The following SIRT3 variants were observed in gnomAD, a reference collection of about 807,000 sequenced individuals.
SIRT3 encodes the protein NAD-dependent protein deacetylase sirtuin-3, mitochondrial.
In SIRT3, 26 loss-of-function variants were observed where a neutral mutation model predicts 33.5. The ratio of observed to expected loss-of-function variants is 0.78; its 90% confidence interval spans 0.57 to 1.08. The LOEUF (loss-of-function observed/expected upper bound fraction) is 1.08. SIRT3 is among the 50% of genes least tolerant of loss of function. The pLI, the probability that SIRT3 is intolerant of heterozygous loss-of-function variation, is 0.00. For missense variants in SIRT3, 585 were observed against 530.1 expected (o/e 1.10, Z -1.02); for synonymous variants, 237 against 222.1 (o/e 1.07, Z -0.60).
At chr11:222,778 A>G (rs527410541) in intron 5 of SIRT3, 1 of 152,550 alleles carries the variant, frequency 6.6e-6, no homozygotes, top group Admixed American at 6.5e-5. Context: ...GTGGCCATCA[A>G]TGCTGACTTC....
In SIRT3 at chr11:234,948, G is replaced by A. The variant is rs1054224050; in HGVS notation, c.281+1100C>T. Reference sequence around the variant, plus strand: ...GCTGGAGTGCAATGGTGCCATCTCGGCTCACTGCAACCTCTGCCTTCCGGG... The same window carrying A: ...GCTGGAGTGCAATGGTGCCATCTCGACTCACTGCAACCTCTGCCTTCCGGG... On this transcript the variant is annotated intron_variant, in intron 1 of 6. Transcript: ENST00000382743. Among the ~76,000 whole-genome samples the A allele has an allele frequency of 2.0e-5, 3 of 151,662 alleles. No homozygotes were observed. The East Asian group carries it at 5.8e-4, about 30-fold the overall frequency.
At chr11:236,359 T>TCGCCCCGCCCC, upstream of SIRT3, 1 of 1,166,208 alleles carries the variant, frequency 8.6e-7, no homozygotes, top group Non-Finnish European at 1.0e-6. Flanking sequence ...TCCTCCGGAC[T>TCGCCCCGCCCC]CGCCCCGCCC....
Position 215,501 on chromosome 11 carries a change from T to C in SIRT3, c.*1197A>G, listed in dbSNP as rs1349983538. ...GGTCACCAATTCCACCTTTTGTTCT[T>C]ATTAAGGCGCAAAGTCACAGGACCC... On this transcript the variant is annotated 3_prime_UTR_variant, in exon 7 of 7. Transcript: ENST00000382743. The C allele has an allele frequency of 6.6e-6, 1 of 152,196 alleles. No homozygotes were observed. Among genetic ancestry groups the C allele is most frequent in the South Asian group, 2.1e-4 (1 of 4,832 alleles). 9.4% of individuals were successfully genotyped at this position (152,196 alleles called of 1,614,324 possible). A position where few individuals can be genotyped will look rare whatever the true frequency, so the allele number is the denominator to read the frequency against.
At chr11:218,671 G>T (rs1855983003) in intron 6 of SIRT3, 161 bp downstream of exon 6, 3 of 1,322,300 alleles carry the variant, frequency 2.3e-6, no homozygotes, top group African/African-American at 1.5e-5. Flanking sequence ...GGTATTGAAA[G>T]TAACACCCAG....
At chr11:232,917 T>C (rs1262974058) in intron 3 of SIRT3, 66 bp downstream of exon 3, 4 of 1,506,700 alleles carry the variant, frequency 2.7e-6, no homozygotes, top group South Asian at 1.2e-5. Context: ...CGAGCCTCCC[T>C]GGGAGAAACA....
intron 1 of SIRT3, among the ~76,000 whole-genome samples, chr11:234,344 T>G (rs1328030370): frequency 2.6e-5 from 4 of 152,218 alleles, no homozygotes; most frequent in African/African-American, 9.6e-5. Flanking sequence ...GCCCATGCAA[T>G]GGACTACTCC....
intron 6 of SIRT3, among the ~76,000 whole-genome samples, 196 bp from the exon 7 acceptor site, chr11:216,914 A>G (rs993691794): frequency 2.6e-5 from 4 of 152,244 alleles, no homozygotes; most frequent in African/African-American, 7.2e-5. Context: ...GGCTAAATGG[A>G]GAGCCTCATT....
rs542703374 is a variant in SIRT3, at chr11:230,628, G to C, written c.707-76C>G. On this transcript the variant is annotated intron_variant, in intron 3 of 6. Coordinates refer to ENST00000382743, the MANE Select transcript of SIRT3 (RefSeq NM_012239.6). ...GCAAGGCCAAGAGCACAACTTCTGGGCTTGGCAGGACTCCTGGAAGGAGGC... is the reference window on the plus strand; with the variant it reads ...GCAAGGCCAAGAGCACAACTTCTGGCCTTGGCAGGACTCCTGGAAGGAGGC... 244 of 1,048,988 alleles carry C rather than the reference G, an allele frequency of 2.3e-4. 4 individuals carry two copies. The South Asian group carries it at 4.8e-3, about 21-fold the overall frequency. The allele number at this position is 1,048,988 out of a possible 1,614,324, so 65.0% of individuals were successfully genotyped here.
chr11:218,984 T>C lies in SIRT3; in HGVS notation c.1027A>G (p.Ile343Val), dbSNP rs749567306. ...AVRSSVPRLLINRDLVGPLAW... is the reference protein window; with the variant it reads ...AVRSSVPRLLVNRDLVGPLAW... ...AAGGGCCCCACCAAGTCCCGGTTGA[T>C]GAGCAGTCGGGGAACTGAGCTCCGC... The change falls in exon 6 of 7, where the codon ATC becomes GTC. Residue 343 changes from isoleucine to valine, a missense_variant. Physicochemically the swap from Ile to Val is conservative, Grantham distance 29 (BLOSUM62 3). Coordinates refer to ENST00000382743, the MANE Select transcript of SIRT3 (RefSeq NM_012239.6). 6.2e-7 allele frequency: 1 copy of C among 1,614,124 alleles called. No homozygotes were observed. Among genetic ancestry groups the C allele is most frequent in the South Asian group, 1.1e-5 (1 of 91,070 alleles).
intron 4 of SIRT3, 67 bp downstream of exon 4, chr11:230,385 A>G (rs1857771242): frequency 4.4e-6 from 4 of 909,428 alleles, no homozygotes; most frequent in Non-Finnish European, 3.1e-6. Context: ...ATGCTTATAA[A>G]ATACCACTTT....
At chr11:226,136 G>A (rs1197701347) in intron 4 of SIRT3, 1 of 152,256 alleles carries the variant, frequency 6.6e-6, no homozygotes, top group Non-Finnish European at 1.5e-5. Context: ...AGGGAAGGGT[G>A]AAGGAACCAT....
intron 4 of SIRT3, among the ~76,000 whole-genome samples, chr11:225,398 C>A (rs536103750): frequency 6.6e-6 from 1 of 151,852 alleles, no homozygotes; most frequent in African/African-American, 2.4e-5. Context: ...GGCAACAAAG[C>A]GAGACTCTGT....
Position 233,118 on chromosome 11 carries a change from G to T in SIRT3, c.571C>A (p.Pro191Thr), listed in dbSNP as rs201276555. 1.2e-6 allele frequency: 2 copies of T among 1,614,034 alleles called. No individual in the cohort carries two copies. The highest frequency in any genetic ancestry group is 1.7e-6 in the Non-Finnish European group (2 of 1,180,040). Residue 191 changes from proline (P) to threonine (T), a missense_variant, in exon 3 of 7, where the codon CCC (proline) becomes ACC (threonine). By Grantham distance (38) the Pro-to-Thr change is conservative. Coordinates refer to ENST00000382743, the MANE Select transcript of SIRT3 (RefSeq NM_012239.6). ...ELPFFFHNPKPFFTLAKELYP... is the reference protein window; with the variant it reads ...ELPFFFHNPKTFFTLAKELYP... The stretch of plus-strand genomic sequence containing the variant: ...AGCTCCTTGGCCAAAGTGAAAAAGG[G>T]CTTGGGGTTGTGAAAGAAGAATGGG...
At position 233,362 on chromosome 11, in the gene SIRT3, TG is replaced by T; in HGVS notation, c.453del (p.Ser152ValfsTer121). On this transcript the variant is annotated frameshift_variant, in exon 2 of 7. Coordinates refer to ENST00000382743, the MANE Select transcript of SIRT3 (RefSeq NM_012239.6). LOFTEE classifies it high-confidence loss of function. The stretch of plus-strand genomic sequence containing the variant: ...CAGTACCTGAAGTCTGGAATGCCAC[TG>T]GGTGTGCTGATGCCGGCCCCCACCA... ...VVMVGAGIST[P>X]SGIPDFRSPG... 2.5e-6 allele frequency: 4 copies of T among 1,613,796 alleles called. No homozygotes were observed. Among genetic ancestry groups the T allele is most frequent in the Non-Finnish European group, 3.4e-6 (4 of 1,179,868 alleles).
In SIRT3 at chr11:233,483, A is replaced by G. The variant is rs1167265175; in HGVS notation, c.333T>C (p.Val111=). ...TGTCACTGCTGCCTCCACTTCCAAC[A>G]ACACTTGAAGCACCCACAGAAAAAG... is the stretch of plus-strand genomic sequence containing the variant. ...SISFSVGASS[V]VGSGGSSDKG... is the part of the protein sequence containing the mutation. Residue 111 remains valine (V), a synonymous_variant, in exon 2 of 7, where the codon GTT becomes GTC. Transcript: ENST00000382743. The G allele has an allele frequency of 5.6e-6, 9 of 1,614,032 alleles. 1 individual carries two copies. In the South Asian group the frequency reaches 9.9e-5, roughly 18 times the overall value.
chr11:226,880 A>G (rs185581581), intron 4 of SIRT3, among the ~76,000 whole-genome samples: 1 of 150,594 alleles, frequency 6.6e-6, no homozygotes, highest in Non-Finnish European at 1.5e-5. Flanking sequence ...CAGCCTCCCG[A>G]GTATCTGAGA....
At chr11:234,181 G>A (rs1858535059) in intron 1 of SIRT3, among the ~76,000 whole-genome samples, 1 of 152,236 alleles carries the variant, frequency 6.6e-6, no homozygotes, top group South Asian at 2.1e-4. Flanking sequence ...TACGTAAGAT[G>A]TATGGCTTAA....
chr11:230,733 G>T, intron 3 of SIRT3, 181 bp from the exon 4 acceptor site: 1 of 401,292 alleles, frequency 2.5e-6, no homozygotes, highest in Non-Finnish European at 4.4e-6. Context: ...CCAGAATAAG[G>T]CAGGGGAGCA....
rs1856713944 is a variant in SIRT3, at chr11:223,525, G to A, written c.969+553C>T. 8.3e-6 allele frequency: 3 copies of A among 359,528 alleles called. No homozygotes were observed. Among genetic ancestry groups the A allele is most frequent in the South Asian group, 6.7e-5 (3 of 44,738 alleles). 22.3% of individuals were successfully genotyped at this position (359,528 alleles called of 1,614,324 possible). On this transcript the variant is annotated intron_variant, in intron 5 of 6. Coordinates refer to ENST00000382743, the MANE Select transcript of SIRT3 (RefSeq NM_012239.6). This position sits in a 1 kb window ranked among gnomAD's most constrained non-coding sequence, Gnocchi z 4.8. ...CCCAAGGGTGCAGCTACGTCCCCGG[G>A]CCAGTCCCTGTGGATTTATCACTCC...
Sources: allele counts gnomAD v4.1 joint callset (sites outside exome capture counted in the v4.1 genomes callset), GRCh38; gene constraint gnomAD v4.1.1; non-coding constraint Gnocchi (gnomAD v3.1); transcripts MANE v1.5; gene names NCBI Gene and HGNC (gene_info 2026-07-23, HGNC 2026-07-21).